TBX2: variants seen among roughly 807,000 people sequenced by gnomAD.
TBX2 encodes T-box transcription factor 2.
A neutral mutation model predicts 48.4 loss-of-function variants in TBX2; 19 were observed. The ratio of observed to expected loss-of-function variants is 0.39; its 90% CI spans 0.27 to 0.58. The LOEUF is 0.58. TBX2 is among the 20% of genes least tolerant of loss of function. TBX2 has a pLI of 0.54. For missense variants in TBX2, 994 were observed against 1,006.5 expected, an observed-to-expected ratio of 0.99 and a Z score of 0.17; for synonymous variants, 522 against 459.7, an observed-to-expected ratio of 1.14 and a Z score of -1.73.
chr17:61,404,921 C>T lies in TBX2; in HGVS notation c.1051+152C>T, dbSNP rs1352595340. The T allele has an allele frequency of 2.3e-6, 3 of 1,297,418 alleles. No individual in the cohort carries two copies. The South Asian group carries it at 3.8e-5, about 16-fold the overall frequency. The allele number at this position is 1,297,418 out of a possible 1,614,324, so 80.4% of individuals were successfully genotyped here. On this transcript the variant is annotated intron_variant, in intron 5 of 6. Coordinates refer to ENST00000240328, the MANE Select transcript of TBX2 (RefSeq NM_005994.4). ...GATGGGGTTTCCGTCCCGGGACTCC[C>T]CTACGAGGGCGGTCCCCGGTAGCCA...
chr17:61,408,201 C>G lies in TBX2; in HGVS notation c.1834C>G (p.Leu612Val). Reference protein sequence around the residue: ...AAGSLSRSPFLGSARPRLRFS... With the variant: ...AAGSLSRSPFVGSARPRLRFS... ...CGGCTCCCTCTCCCGGAGCCCCTTC[C>G]TGGGCAGTGCCCGGCCCCGACTGCG... Residue 612 changes from leucine (L) to valine (V), a missense_variant, in exon 7 of 7, where the codon CTG becomes GTG. Coordinates refer to ENST00000240328, the MANE Select transcript of TBX2 (RefSeq NM_005994.4). 6.2e-7 allele frequency: 1 copy of G among 1,612,920 alleles called. No individual in the cohort carries two copies. The highest frequency in any genetic ancestry group is 8.5e-7 in the Non-Finnish European group (1 of 1,179,890).
Position 61,400,476 on chromosome 17 carries a change from G to A in TBX2, c.300G>A (p.Glu100=), listed in dbSNP as rs763932813. The A allele has an allele frequency of 3.7e-6, 6 of 1,601,746 alleles. No individual in the cohort carries two copies. Among genetic ancestry groups the A allele is most frequent in the Non-Finnish European group, 4.3e-6 (5 of 1,175,370 alleles). ...TCAAGAGCCTGGAGCCCGAGGACGA[G>A]GTGGAGGACGACCCCAAGGTGACGC... The part of the protein sequence containing the change: ...RSLKSLEPED[E]VEDDPKVTLE... The change falls in exon 1 of 7, where the codon GAG becomes GAA. Residue 100 remains glutamate (E), a synonymous_variant. Coordinates refer to ENST00000240328, the MANE Select transcript of TBX2 (RefSeq NM_005994.4). This position sits in a 1 kb window ranked among gnomAD's most constrained non-coding sequence, Gnocchi z 9.2.
rs61751978 is a variant in TBX2 at position 61,408,397 on chromosome 17, C to G, written c.2030C>G (p.Pro677Arg). 18 of 1,555,252 alleles carry G rather than the reference C, an allele frequency of 1.2e-5. No individual in the cohort carries two copies. Among genetic ancestry groups the G allele is most frequent in the Non-Finnish European group, 1.5e-5 (17 of 1,150,376 alleles). The change falls in exon 7 of 7, where the codon CCC becomes CGC. Residue 677 changes from proline to arginine, a missense_variant. Pro to Arg is a moderately radical substitution (Grantham distance 103). Around this residue, in one of 5 missense-constraint regions of TBX2, gnomAD observed 639 missense variants for 613.2 expected, o/e 1.04. Coordinates refer to ENST00000240328, the MANE Select transcript of TBX2 (RefSeq NM_005994.4). Reference sequence around the variant, plus strand: ...GCCCCATCCCGCGGTGCCCTGTCGCCCAGTGGCTCGGCCAAGGAGGCGGCC... The same window carrying G: ...GCCCCATCCCGCGGTGCCCTGTCGCGCAGTGGCTCGGCCAAGGAGGCGGCC... Reference protein sequence around the residue: ...VGAPSRGALSPSGSAKEAANE... With the variant: ...VGAPSRGALSRSGSAKEAANE...
chr17:61,408,470 G>A lies in TBX2; in HGVS notation c.2103G>A (p.Gln701=). 6.9e-7 allele frequency: 1 copy of A among 1,456,770 alleles called. No homozygotes were observed. Among genetic ancestry groups the A allele is most frequent in the Middle Eastern group, 2.2e-4 (1 of 4,648 alleles). 90.2% of individuals were successfully genotyped at this position (1,456,770 alleles called of 1,614,324 possible). The change falls in exon 7 of 7, where the codon CAG becomes CAA. Residue 701 remains glutamine (Q), a synonymous_variant. Coordinates refer to ENST00000240328, the MANE Select transcript of TBX2 (RefSeq NM_005994.4). The stretch of plus-strand genomic sequence containing the variant: ...GACTGGTGAGTGGGCTGGAGAGCCA[G>A]CGAGCCCTCTCCCCAGGCCGGGAGT... ...IQRLVSGLES[Q]RALSPGRESP... is the part of the protein sequence containing the mutation.
At position 61,408,644 on chromosome 17, in the gene TBX2, G is replaced by T; in HGVS notation, c.*138G>T. On this transcript the variant is annotated 3_prime_UTR_variant, in exon 7 of 7. Coordinates refer to ENST00000240328, the MANE Select transcript of TBX2 (RefSeq NM_005994.4). Reference sequence around the variant, plus strand: ...GCTGCAGCAGCCGGAATAGAGCCTCGTCTGGCAAGTCGGGGCCTGGGACAC... The same window carrying T: ...GCTGCAGCAGCCGGAATAGAGCCTCTTCTGGCAAGTCGGGGCCTGGGACAC... The T allele has an allele frequency of 1.2e-6, 1 of 823,268 alleles. No individual in the cohort carries two copies. 51.0% of individuals were successfully genotyped at this position (823,268 alleles called of 1,614,324 possible).
In TBX2 at chr17:61,406,980, A is replaced by G. The variant is rs2060291606; in HGVS notation, c.1687-1074A>G. The G allele has an allele frequency of 6.6e-6, 1 of 152,064 alleles. No homozygotes were observed. Among genetic ancestry groups the G allele is most frequent in the African/African-American group, 2.4e-5 (1 of 41,386 alleles). 9.4% of individuals were successfully genotyped at this position (152,064 alleles called of 1,614,324 possible). Reference sequence around the variant, plus strand: ...AATCACCAGCATCACAGAGGTCATGAGGAAGTCAGGGCTTCTAGACACAGC... The same window carrying G: ...AATCACCAGCATCACAGAGGTCATGGGGAAGTCAGGGCTTCTAGACACAGC... On this transcript the variant is annotated intron_variant, in intron 6 of 6. Coordinates refer to ENST00000240328, the MANE Select transcript of TBX2 (RefSeq NM_005994.4). This position sits in a 1 kb window ranked among gnomAD's most constrained non-coding sequence, Gnocchi z 5.7.
rs951133040 is a variant in TBX2 at position 61,400,739 on chromosome 17, G to T, written c.395+168G>T. 6.6e-6 allele frequency among the ~76,000 whole-genome samples: 1 copy of T among 152,138 alleles called. No homozygotes were observed. The highest frequency in any genetic ancestry group is 2.4e-5 in the African/African-American group (1 of 41,424). ...ACGGACAACCAAGTTGACTTTTCTC[G>T]TTTGGCACCGGAGCGATTTTTTTTT... On this transcript the variant is annotated intron_variant, in intron 1 of 6. Transcript: ENST00000240328. This position sits in a 1 kb window ranked among gnomAD's most constrained non-coding sequence, Gnocchi z 9.2.
Position 61,408,158 on chromosome 17 carries a change from T to TGCCGCC in TBX2, c.1797_1802dup (p.Ala602_Ala603dup). The stretch of plus-strand genomic sequence containing the variant: ...CTTTGCCCGCCACTAGTGCTGCAGC[T>TGCCGCC]GCCGCCGCCGCAGCCGCCGGCTCCC... On this transcript the variant is annotated inframe_insertion, in exon 7 of 7. Transcript: ENST00000240328. 2 of 1,611,194 alleles carry TGCCGCC rather than the reference T, an allele frequency of 1.2e-6. No homozygotes were observed.
Position 61,405,602 on chromosome 17 carries a change from A to G in TBX2, c.1452A>G (p.Gly484=), listed in dbSNP as rs1459385960. The change falls in exon 6 of 7, where the codon GGA becomes GGG. Residue 484 remains glycine (G), a synonymous_variant. Transcript: ENST00000240328. ...GGCAGCAGTTCTTTGGGCCGCTGGG[A>G]GCCGGCCAGCCGCTCTTCCTGCACC... ...LHGQQFFGPL[G]AGQPLFLHPG... 1 of 1,593,420 alleles carries G rather than the reference A, an allele frequency of 6.3e-7. No individual in the cohort carries two copies. The highest frequency in any genetic ancestry group is 8.5e-7 in the Non-Finnish European group (1 of 1,174,428).
intron 6 of TBX2, chr17:61,407,700 C>A: frequency 4.1e-6 from 1 of 241,730 alleles, no homozygotes; most frequent in Non-Finnish European, 7.8e-6. Flanking sequence ...ACACCCAAAG[C>A]TGCCTGTTTG....
intron 1 of TBX2, among the ~76,000 whole-genome samples, chr17:61,401,404 A>T (rs549760982): frequency 3.9e-5 from 6 of 152,338 alleles, no homozygotes; most frequent in Admixed American, 2.6e-4. Flanking sequence ...ATCAGCTTTC[A>T]TCTCAGATCA....
In TBX2 at chr17:61,405,604, C is replaced by A; in HGVS notation, c.1454C>A (p.Ala485Asp). Residue 485 changes from alanine (A) to aspartate (D), a missense_variant, in exon 6 of 7, where the codon GCC becomes GAC. Ala to Asp is a moderately radical substitution (Grantham distance 126). Around this residue, in one of 5 missense-constraint regions of TBX2, gnomAD observed 639 missense variants for 613.2 expected, o/e 1.04. Transcript: ENST00000240328. ...CAGCAGTTCTTTGGGCCGCTGGGAG[C>A]CGGCCAGCCGCTCTTCCTGCACCCT... ...HGQQFFGPLG[A>D]GQPLFLHPGQ... 3 of 1,593,062 alleles carry A rather than the reference C, an allele frequency of 1.9e-6. No homozygotes were observed. Among genetic ancestry groups the A allele is most frequent in the Non-Finnish European group, 2.6e-6 (3 of 1,174,242 alleles).
In TBX2 at chr17:61,405,540, C is replaced by T; in HGVS notation, c.1390C>T (p.His464Tyr). 1 of 1,593,014 alleles carries T rather than the reference C, an allele frequency of 6.3e-7. No individual in the cohort carries two copies. Among genetic ancestry groups the T allele is most frequent in the East Asian group, 2.3e-5 (1 of 44,222 alleles). ...CAGTGCGTCCCCCCTGGGCGCCGGA[C>T]ACCTGCCCGGCCTGGCCTTTTCCAG... Reference protein sequence around the residue: ...TDSASPLGAGHLPGLAFSSHL... With the variant: ...TDSASPLGAGYLPGLAFSSHL... The change falls in exon 6 of 7, where the codon CAC (histidine) becomes TAC (tyrosine). Residue 464 changes from histidine (H) to tyrosine (Y), a missense_variant. By Grantham distance (83) the His-to-Tyr change is moderately conservative. Coordinates refer to ENST00000240328, the MANE Select transcript of TBX2 (RefSeq NM_005994.4).
At chr17:61,404,872 A>G (rs2060281102) in intron 5 of TBX2, 103 bp downstream of exon 5, 1 of 1,479,576 alleles carries the variant, frequency 6.8e-7, no homozygotes, top group Admixed American at 2.0e-5. Flanking sequence ...AAAGGCCAGG[A>G]AGGAAACGTC....
chr17:61,405,545 G>T lies in TBX2; in HGVS notation c.1395G>T (p.Leu465=), dbSNP rs751592820. The change falls in exon 6 of 7, where the codon CTG becomes CTT. Residue 465 remains leucine, a synonymous_variant. Coordinates refer to ENST00000240328, the MANE Select transcript of TBX2 (RefSeq NM_005994.4). Reference sequence around the variant, plus strand: ...CGTCCCCCCTGGGCGCCGGACACCTGCCCGGCCTGGCCTTTTCCAGCCACT... The same window carrying T: ...CGTCCCCCCTGGGCGCCGGACACCTTCCCGGCCTGGCCTTTTCCAGCCACT... ...DSASPLGAGH[L]PGLAFSSHLH... is the part of the protein sequence containing the mutation. The T allele has an allele frequency of 6.3e-7, 1 of 1,592,750 alleles. No homozygotes were observed. The highest frequency in any genetic ancestry group is 2.3e-5 in the East Asian group (1 of 44,190).
intron 6 of TBX2, 104 bp from the exon 7 acceptor site, chr17:61,407,950 T>A: frequency 7.2e-7 from 1 of 1,386,510 alleles, no homozygotes; most frequent in South Asian, 1.4e-5. Context: ...TGGTTTTACA[T>A]CCCTAAAACA....
Position 61,408,723 on chromosome 17 carries a change from T to C in TBX2, c.*217T>C, listed in dbSNP as rs1050617790. The C allele has an allele frequency of 2.2e-6, 1 of 461,304 alleles. No homozygotes were observed. Among genetic ancestry groups the C allele is most frequent in the Non-Finnish European group, 3.7e-6 (1 of 272,748 alleles). The allele number at this position is 461,304 out of a possible 1,614,324, so 28.6% of individuals were successfully genotyped here. ...GCTGGAAACACAGTCACTTGGGAGC[T>C]GCTGGGCTAGGTCCAGATCCGCTCC... On this transcript the variant is annotated 3_prime_UTR_variant, in exon 7 of 7. Coordinates refer to ENST00000240328, the MANE Select transcript of TBX2 (RefSeq NM_005994.4).
rs1333167168 is a variant in TBX2, at chr17:61,405,213, T to A, written c.1063T>A (p.Ser355Thr). 1.4e-5 allele frequency: 21 copies of A among 1,542,098 alleles called. No individual in the cohort carries two copies. The highest frequency in any genetic ancestry group is 1.8e-5 in the Non-Finnish European group (21 of 1,153,538). The change falls in exon 6 of 7, where the codon TCG (serine) becomes ACG (threonine). Residue 355 changes from serine (S) to threonine (T), a missense_variant. By Grantham distance (58) the Ser-to-Thr change is moderately conservative. This residue lies in a region of TBX2 where 639 missense variants were observed against 613.2 expected (regional missense o/e 1.04). Coordinates refer to ENST00000240328, the MANE Select transcript of TBX2 (RefSeq NM_005994.4). ...RLHRARAEEK[S>T]CAADSDPEPE... is the part of the protein sequence containing the mutation. ...CCCTCTCCCCGCAGCTGAGGAGAAGTCGTGCGCCGCGGACAGCGACCCGGA... is the reference window on the plus strand; with the variant it reads ...CCCTCTCCCCGCAGCTGAGGAGAAGACGTGCGCCGCGGACAGCGACCCGGA...
chr17:61,404,750 G>A lies in TBX2; in HGVS notation c.1032G>A (p.Leu344=), dbSNP rs2060280303. ...PTSPGAAPSP[L]RLHRARAEEK... is the part of the protein sequence containing the mutation. ...CCCCGGGCGCAGCGCCCAGTCCGCT[G>A]CGCCTGCACCGGGCCCGAGGTGAGG... is the stretch of plus-strand genomic sequence containing the variant. The change falls in exon 5 of 7, where the codon CTG becomes CTA. Residue 344 remains leucine (L), a synonymous_variant. Coordinates refer to ENST00000240328, the MANE Select transcript of TBX2 (RefSeq NM_005994.4). 7 of 1,549,092 alleles carry A rather than the reference G, an allele frequency of 4.5e-6. No homozygotes were observed. The highest frequency in any genetic ancestry group is 6.1e-6 in the Non-Finnish European group (7 of 1,149,512).
Sources: gnomAD v4.1 joint callset for allele counts (sites outside exome capture counted in the v4.1 genomes callset) on GRCh38, gnomAD v4.1.1 for gene constraint, gnomAD v4.1.1 regional missense constraint, Gnocchi (gnomAD v3.1) non-coding constraint, MANE v1.5 for transcripts, NCBI Gene and HGNC (gene_info 2026-07-23, HGNC 2026-07-21) for gene names.